ARSB: variants seen among roughly 807,000 people sequenced by gnomAD.
ARSB encodes N-acetylgalactosamine-4-sulfatase.
Under a neutral mutation model 50.9 loss-of-function variants are expected in ARSB, and 41 were observed. The observed-to-expected ratio is 0.81, with a 90% CI of 0.63 to 1.04. The LOEUF (loss-of-function observed/expected upper bound fraction) is 1.04. Ranked by LOEUF, ARSB falls within the 50% of genes least tolerant of loss-of-function variation. The probability of loss-of-function intolerance (pLI) is 0.00; values close to 1 mark genes in which losing one functional copy is unlikely to be tolerated. For missense variants in ARSB, 672 were observed against 693.3 expected (o/e 0.97, Z 0.35); for synonymous variants, 269 against 284.8 (o/e 0.94, Z 0.56).
chr5:78,875,186 G>A (rs1488220547), intron 5 of ARSB, among the ~76,000 whole-genome samples: 2 of 151,952 alleles, frequency 1.3e-5, no homozygotes, highest in East Asian at 3.8e-4. Context: ...AACCACAACT[G>A]AAATAAACTA....
At chr5:78,972,338 A>G (rs551274804) in intron 1 of ARSB, among the ~76,000 whole-genome samples, 5 of 152,256 alleles carry the variant, frequency 3.3e-5, no homozygotes, top group African/African-American at 9.6e-5. Flanking sequence ...GGATTACTAC[A>G]CTATCCCTAG....
intron 5 of ARSB, among the ~76,000 whole-genome samples, chr5:78,845,163 T>C (rs1226453648): frequency 1.3e-5 from 2 of 152,156 alleles, no homozygotes; most frequent in Admixed American, 1.3e-4. Flanking sequence ...TTATTTCACT[T>C]AACATAGTGA....
rs1330954942 is a variant in ARSB, at chr5:78,926,664, A to G, written c.898+28631T>C. Among the ~76,000 whole-genome samples, 3 of 152,046 alleles carry G rather than the reference A, an allele frequency of 2.0e-5. No homozygotes were observed. The East Asian group carries it at 5.8e-4, about 29-fold the overall frequency. On this transcript the variant is annotated intron_variant, in intron 4 of 7. Coordinates refer to ENST00000264914, the MANE Select transcript of ARSB (RefSeq NM_000046.5). ...AACAGACACAGCTTTTGCCTTGAAG[A>G]CTCTTACAGTCTACTATGTGTTATT...
rs750124518 is a variant in ARSB, at chr5:78,968,988, C to G, written c.499+18G>C. On this transcript the variant is annotated intron_variant, in intron 2 of 7. Coordinates refer to ENST00000264914, the MANE Select transcript of ARSB (RefSeq NM_000046.5). ...CAGTTAGTCTAAGTTGTTAAAGAAA[C>G]ATGTGCATTTCCATTACCAAAGTAG... The G allele has an allele frequency of 6.2e-7, 1 of 1,613,578 alleles. No homozygotes were observed. The highest frequency in any genetic ancestry group is 8.5e-7 in the Non-Finnish European group (1 of 1,179,596).
intron 4 of ARSB, among the ~76,000 whole-genome samples, chr5:78,925,771 T>C (rs910435915): frequency 3.3e-5 from 5 of 152,224 alleles, no homozygotes; most frequent in Admixed American, 6.5e-5. Flanking sequence ...ACTGGTCCCC[T>C]GTGCTTTTCG....
At chr5:78,985,332 C>T (rs1219200344), upstream of ARSB, 2 of 1,180,764 alleles carry the variant, frequency 1.7e-6, no homozygotes, top group Non-Finnish European at 2.1e-6. Flanking sequence ...CTGCCGGGGC[C>T]TGCTCCGCCC....
intron 4 of ARSB, among the ~76,000 whole-genome samples, chr5:78,922,700 G>A (rs895310800): frequency 6.7e-6 from 1 of 150,292 alleles, no homozygotes; most frequent in Admixed American, 6.6e-5. Flanking sequence ...CTTTTGTCTT[G>A]CAGCTTAAGC....
At chr5:78,847,533 G>C (rs1460792073) in intron 5 of ARSB, among the ~76,000 whole-genome samples, 1 of 152,100 alleles carries the variant, frequency 6.6e-6, no homozygotes, top group African/African-American at 2.4e-5. Flanking sequence ...TTCTTTTCTT[G>C]TTGTATCTCT....
At position 78,860,877 on chromosome 5, in the gene ARSB, A is replaced by G. The variant is rs186099179; in HGVS notation, c.1143-21451T>C. Among the ~76,000 whole-genome samples the G allele has an allele frequency of 1.6e-3, 247 of 151,700 alleles. 1 individual carries two copies. Among genetic ancestry groups the G allele is most frequent in the Middle Eastern group, 3.4e-3 (1 of 294 alleles). On this transcript the variant is annotated intron_variant, in intron 5 of 7. Transcript: ENST00000264914. ...GATAGACCACTAGCAAGACTAATAA[A>G]GAAGAAAAGAGAGAAGAATCAAATA...
At chr5:78,808,769 CCT>C (rs780454083) in intron 6 of ARSB, among the ~76,000 whole-genome samples, 1 of 152,228 alleles carries the variant, frequency 6.6e-6, no homozygotes, top group Non-Finnish European at 1.5e-5. Flanking sequence ...GGTCAGCGCT[CCT>C]GCCTCCACTG....
intron 4 of ARSB, among the ~76,000 whole-genome samples, chr5:78,946,790 T>C (rs896936025): frequency 2.2e-4 from 33 of 152,266 alleles, no homozygotes; most frequent in Non-Finnish European, 3.7e-4. Flanking sequence ...CTAAAATTTA[T>C]ATGGAACCAC....
intron 4 of ARSB, among the ~76,000 whole-genome samples, chr5:78,943,711 T>A (rs337869): frequency 0.55 from 83,480 of 151,930 alleles, 22,801 homozygotes; most frequent in East Asian, 0.67. Context: ...GCCGTTAACA[T>A]TTTTTCCTTC....
intron 6 of ARSB, among the ~76,000 whole-genome samples, chr5:78,813,547 C>T (rs1743888143): frequency 6.6e-6 from 1 of 151,958 alleles, no homozygotes; most frequent in Non-Finnish European, 1.5e-5. Flanking sequence ...TACTTGAGTC[C>T]AGGAATTCAA....
At chr5:78,903,243 G>A (rs1365201741) in intron 4 of ARSB, among the ~76,000 whole-genome samples, 1 of 152,184 alleles carries the variant, frequency 6.6e-6, no homozygotes, top group Non-Finnish European at 1.5e-5. Context: ...CCATTTGGAT[G>A]AGAGGTGCGT....
chr5:78,794,247 G>A (rs952153652), intron 6 of ARSB, among the ~76,000 whole-genome samples: 5 of 152,058 alleles, frequency 3.3e-5, no homozygotes, highest in African/African-American at 9.6e-5. Context: ...CTGGGCTTGC[G>A]GCTCTGTTAA....
intron 6 of ARSB, among the ~76,000 whole-genome samples, chr5:78,826,322 G>C (rs1350114231): frequency 6.6e-6 from 1 of 152,112 alleles, no homozygotes; most frequent in East Asian, 1.9e-4. Flanking sequence ...TGGGATTACA[G>C]GCATGAGCCA....
intron 4 of ARSB, among the ~76,000 whole-genome samples, chr5:78,930,443 A>C (rs1464135658): frequency 1.1e-5 from 1 of 94,296 alleles, no homozygotes. Flanking sequence ...AAAGAAAAAG[A>C]AAAAGAAAAA....
At chr5:78,880,900 C>T (rs17819429) in intron 5 of ARSB, among the ~76,000 whole-genome samples, 23,875 of 152,118 alleles carry the variant, frequency 0.16, 1,924 homozygotes, top group Middle Eastern at 0.2. Flanking sequence ...CTGATTTAGA[C>T]ACTGACCTCA....
intron 5 of ARSB, among the ~76,000 whole-genome samples, chr5:78,864,749 A>G (rs986542445): frequency 5.3e-5 from 8 of 152,200 alleles, no homozygotes; most frequent in Non-Finnish European, 7.3e-5. Context: ...TTATTTCCTA[A>G]ATACAAGGGG....
Sources: allele counts gnomAD v4.1 joint callset (sites outside exome capture counted in the v4.1 genomes callset), GRCh38; gene constraint gnomAD v4.1.1; transcripts MANE v1.5; gene names NCBI Gene and HGNC (gene_info 2026-07-23, HGNC 2026-07-21).